SLX4IP: variants seen among roughly 807,000 people sequenced by gnomAD.
SLX4IP encodes the protein protein SLX4IP.
In SLX4IP, 34 loss-of-function variants were observed where a neutral mutation model predicts 32.9. That is an observed-to-expected ratio of 1.03 (90% CI 0.79 to 1.38). The LOEUF (loss-of-function observed/expected upper bound fraction) is 1.38. SLX4IP is among the 40% of genes most tolerant of loss of function. The probability of loss-of-function intolerance (pLI) is 0.00; values close to 1 mark genes in which losing one functional copy is unlikely to be tolerated. For synonymous variants in SLX4IP, 172 were observed against 171.7 expected, an observed-to-expected ratio of 1.00 and a Z score of -0.01; for missense variants, 444 against 479.0, an observed-to-expected ratio of 0.93 and a Z score of 0.68.
chr20:10,614,165 C>G (rs2067000685), intron 6 of SLX4IP: 2 of 861,256 alleles, frequency 2.3e-6, no homozygotes, highest in Non-Finnish European at 3.8e-6. Flanking sequence ...CGCCCAGCAC[C>G]CAGTAAAGCC....
Position 10,623,704 on chromosome 20 carries a change from T to C in SLX4IP, c.*325T>C. On this transcript the variant is annotated 3_prime_UTR_variant, in exon 8 of 8. Transcript: ENST00000334534. ...GAAGAAACTGATCATGAGCCCCTTC[T>C]TGGCACATCACTGTGCAGACCACAC... The C allele has an allele frequency of 3.0e-6, 1 of 333,028 alleles. No homozygotes were observed. Among genetic ancestry groups the C allele is most frequent in the Non-Finnish European group, 5.5e-6 (1 of 180,562 alleles). 20.6% of individuals were successfully genotyped at this position (333,028 alleles called of 1,614,324 possible). A position where few individuals can be genotyped will look rare whatever the true frequency, so the allele number is the denominator to read the frequency against.
rs760638474 is a variant in SLX4IP at position 10,626,292 on chromosome 20, C to G, written c.*2913C>G. 6.6e-6 allele frequency: 1 copy of G among 150,416 alleles called. No homozygotes were observed. The highest frequency in any genetic ancestry group is 1.5e-5 in the Non-Finnish European group (1 of 67,768). The allele number at this position is 150,416 out of a possible 1,614,324, so 9.3% of individuals were successfully genotyped here. On this transcript the variant is annotated 3_prime_UTR_variant, in exon 8 of 8. Transcript: ENST00000334534. ...TCGTGATCCGCCCGCCTCGGCCTCC[C>G]AAAGTGCTGGGATTACAGGTGAGAG...
At chr20:10,555,862 A>T (rs1261191902) in intron 2 of SLX4IP, among the ~76,000 whole-genome samples, 1 of 151,898 alleles carries the variant, frequency 6.6e-6, no homozygotes, top group Non-Finnish European at 1.5e-5. Context: ...CTGGCTGTGC[A>T]TGGAATCATT....
chr20:10,620,185 G>T (rs2067091697), intron 6 of SLX4IP, among the ~76,000 whole-genome samples: 1 of 152,188 alleles, frequency 6.6e-6, no homozygotes, highest in South Asian at 2.1e-4. Flanking sequence ...GCTGTTTCTG[G>T]TGGTAGCAAC....
chr20:10,544,969 C>G (rs1162464757), intron 2 of SLX4IP, among the ~76,000 whole-genome samples: 1 of 152,090 alleles, frequency 6.6e-6, no homozygotes, highest in East Asian at 1.9e-4. Flanking sequence ...CAGCATATGC[C>G]AGAATCACCT....
chr20:10,445,914 C>T (rs1169839196), intron 1 of SLX4IP, among the ~76,000 whole-genome samples: 1 of 145,232 alleles, frequency 6.9e-6, no homozygotes, highest in Non-Finnish European at 1.5e-5. Flanking sequence ...CCATGAGCCA[C>T]TGTGCCTGGC....
At chr20:10,453,350 G>A (rs1404776912) in intron 1 of SLX4IP, among the ~76,000 whole-genome samples, 2 of 114,974 alleles carry the variant, frequency 1.7e-5, no homozygotes, top group Non-Finnish European at 3.9e-5. Flanking sequence ...TCCTGGACGT[G>A]CCTCTCCCCT....
intron 2 of SLX4IP, among the ~76,000 whole-genome samples, chr20:10,462,604 A>C (rs1000155050): frequency 6.6e-6 from 1 of 152,220 alleles, no homozygotes; most frequent in African/African-American, 2.4e-5. Context: ...TATTTTTAGG[A>C]TGCAGAATGT....
chr20:10,583,460 A>G (rs2066608311), intron 4 of SLX4IP, among the ~76,000 whole-genome samples: 1 of 151,710 alleles, frequency 6.6e-6, no homozygotes, highest in African/African-American at 2.4e-5. Flanking sequence ...CTCATCCCCA[A>G]TTTTTTTTCT....
rs1051571019 is a variant in SLX4IP, at chr20:10,551,806, C to T, written c.28-4425C>T. Among the ~76,000 whole-genome samples, 6 of 152,114 alleles carry T rather than the reference C, an allele frequency of 3.9e-5. No individual in the cohort carries two copies. The East Asian group carries it at 5.8e-4, about 15-fold the overall frequency. On this transcript the variant is annotated intron_variant, in intron 2 of 7. Transcript: ENST00000334534. ...TTGTAATGTAAGCCAAGGATGAAAA[C>T]GTCAGGTGCAGGAGACAAAGACATG...
intron 2 of SLX4IP, among the ~76,000 whole-genome samples, chr20:10,492,330 C>T (rs111354845): frequency 3.2e-4 from 48 of 152,276 alleles, no homozygotes; most frequent in African/African-American, 1.1e-3. Flanking sequence ...ACAGTAGTTG[C>T]GTCAGTTTCC....
intron 2 of SLX4IP, among the ~76,000 whole-genome samples, chr20:10,506,741 T>C (rs1044748873): frequency 6.6e-6 from 1 of 152,028 alleles, no homozygotes; most frequent in Non-Finnish European, 1.5e-5. Flanking sequence ...AAGACATAAA[T>C]TGTAGAGCAT....
intron 4 of SLX4IP, among the ~76,000 whole-genome samples, chr20:10,575,466 C>T (rs1352812915): frequency 6.6e-6 from 1 of 152,158 alleles, no homozygotes; most frequent in Non-Finnish European, 1.5e-5. Context: ...TCCTTTGACA[C>T]ATTCCAGGTG....
chr20:10,456,579 A>G (rs1339590339), intron 1 of SLX4IP, among the ~76,000 whole-genome samples: 3 of 152,148 alleles, frequency 2.0e-5, no homozygotes, highest in Admixed American at 1.3e-4. Flanking sequence ...TGACCTCGTG[A>G]TCTACCCGCC....
At chr20:10,513,624 G>A (rs566569292) in intron 2 of SLX4IP, among the ~76,000 whole-genome samples, 20 of 152,310 alleles carry the variant, frequency 1.3e-4, no homozygotes, top group Middle Eastern at 3.4e-3. Flanking sequence ...GGGCATCCTT[G>A]GATTTAGGAA....
At chr20:10,619,960 G>T (rs1414044086) in intron 6 of SLX4IP, among the ~76,000 whole-genome samples, 1 of 152,204 alleles carries the variant, frequency 6.6e-6, no homozygotes. Flanking sequence ...GACTTTGAGT[G>T]ACACTGGCCC....
chr20:10,571,004 A>AAAAATTT (rs1487143698), intron 4 of SLX4IP, among the ~76,000 whole-genome samples: 1 of 151,730 alleles, frequency 6.6e-6, no homozygotes, highest in Non-Finnish European at 1.5e-5. Context: ...TATTTTTTTA[A>AAAAATTT]AAAAATTTTG....
chr20:10,575,681 C>T (rs569812800), intron 4 of SLX4IP, among the ~76,000 whole-genome samples: 2 of 152,088 alleles, frequency 1.3e-5, no homozygotes, highest in African/African-American at 2.4e-5. Flanking sequence ...AGGTCCATTA[C>T]ACCTTAGCAA....
intron 6 of SLX4IP, among the ~76,000 whole-genome samples, chr20:10,607,207 A>G (rs2066914970): frequency 6.6e-6 from 1 of 152,164 alleles, no homozygotes; most frequent in South Asian, 2.1e-4. Context: ...CAGTGCACAC[A>G]TGACAATGAG....
Sources: allele counts gnomAD v4.1 joint callset (sites outside exome capture counted in the v4.1 genomes callset), GRCh38; gene constraint gnomAD v4.1.1; transcripts MANE v1.5; gene names NCBI Gene and HGNC (gene_info 2026-07-23, HGNC 2026-07-21).